Variants in SEMA6D observed in about 807,000 individuals in gnomAD.
The protein encoded by SEMA6D is semaphorin 6D.
SEMA6D carries 35 observed loss-of-function variants against 106.6 expected under a neutral mutation model. The ratio of observed to expected loss-of-function variants is 0.33; its 90% CI spans 0.25 to 0.44. The LOEUF (loss-of-function observed/expected upper bound fraction) is 0.44, where lower values mean the gene tolerates loss of function less well. SEMA6D is among the 20% of genes least tolerant of loss of function. SEMA6D has a pLI of 1.00. For synonymous variants in SEMA6D, 499 were observed against 487.7 expected (o/e 1.02, Z -0.31); for missense variants, 1,185 against 1,345.9 (o/e 0.88, Z 1.87).
intron 2 of SEMA6D, among the ~76,000 whole-genome samples, chr15:47,425,871 T>C (rs1414155365): frequency 6.6e-6 from 1 of 152,044 alleles, no homozygotes; most frequent in African/African-American, 2.4e-5. Context: ...TTCTCTTCCA[T>C]TTATGATCTA....
intron 4 of SEMA6D, among the ~76,000 whole-genome samples, chr15:47,661,498 T>C (rs1397807433): frequency 6.6e-6 from 1 of 152,220 alleles, no homozygotes; most frequent in Non-Finnish European, 1.5e-5. Flanking sequence ...CTATGGAAAC[T>C]GCATGAAGAG....
intron 4 of SEMA6D, among the ~76,000 whole-genome samples, chr15:47,635,973 A>G (rs2077380700): frequency 6.6e-6 from 1 of 152,244 alleles, no homozygotes; most frequent in South Asian, 2.1e-4. Flanking sequence ...AAAAAAAAAA[A>G]AAATTTTACC....
intron 4 of SEMA6D, among the ~76,000 whole-genome samples, chr15:47,634,272 A>G (rs887501980): frequency 1.1e-4 from 16 of 152,108 alleles, no homozygotes; most frequent in Admixed American, 2.6e-4. Flanking sequence ...TCAGCTCCCC[A>G]CTTGGTGCTG....
intron 1 of SEMA6D, among the ~76,000 whole-genome samples, chr15:47,289,387 C>T (rs1477510482): frequency 7.7e-6 from 1 of 130,334 alleles, no homozygotes; most frequent in Non-Finnish European, 1.6e-5. Flanking sequence ...GAGCAAAACT[C>T]CATCTCAAAA....
intron 2 of SEMA6D, among the ~76,000 whole-genome samples, chr15:47,432,737 A>T (rs112654359): frequency 1.4e-4 from 21 of 152,256 alleles, no homozygotes; most frequent in African/African-American, 5.1e-4. Flanking sequence ...GAGATGAAAA[A>T]GCAACTCTAT....
At chr15:47,727,498 G>A (rs538655743) in intron 1 of SEMA6D, among the ~76,000 whole-genome samples, 1 of 152,298 alleles carries the variant, frequency 6.6e-6, no homozygotes, top group African/African-American at 2.4e-5. Context: ...TCCAAACAAG[G>A]TGCTAGACCT....
intron 1 of SEMA6D, among the ~76,000 whole-genome samples, chr15:47,246,041 T>C (rs1440345268): frequency 3.3e-5 from 5 of 152,174 alleles, no homozygotes; most frequent in African/African-American, 1.2e-4. Flanking sequence ...TATATGCTCC[T>C]CTCTCAAGTA....
At chr15:47,667,450 T>C (rs2078049806) in intron 4 of SEMA6D, among the ~76,000 whole-genome samples, 1 of 152,188 alleles carries the variant, frequency 6.6e-6, no homozygotes, top group African/African-American at 2.4e-5. Context: ...AAATACATTC[T>C]GATAAGAGGT....
chr15:47,599,606 G>A (rs186964336), intron 3 of SEMA6D, among the ~76,000 whole-genome samples: 24 of 152,174 alleles, frequency 1.6e-4, no homozygotes, highest in Admixed American at 1.5e-3. Flanking sequence ...CAATACAACT[G>A]AAAACACAGC....
chr15:47,306,837 G>A (rs1022284069), intron 1 of SEMA6D, among the ~76,000 whole-genome samples: 1 of 152,202 alleles, frequency 6.6e-6, no homozygotes, highest in African/African-American at 2.4e-5. Flanking sequence ...ATCCTTCTTA[G>A]TATAATTTTT....
chr15:47,230,111 ATTC>A (rs1461439223), intron 1 of SEMA6D, among the ~76,000 whole-genome samples: 2 of 152,172 alleles, frequency 1.3e-5, no homozygotes, highest in South Asian at 2.1e-4. Flanking sequence ...TCTTAGAAAA[ATTC>A]TTCTTTGTGG....
At chr15:47,622,538 C>T (rs2077125895) in intron 4 of SEMA6D, among the ~76,000 whole-genome samples, 1 of 152,138 alleles carries the variant, frequency 6.6e-6, no homozygotes, top group South Asian at 2.1e-4. Flanking sequence ...CTTCTCCTTG[C>T]TCCTGATATC....
rs568361876 is a variant in SEMA6D at position 47,307,709 on chromosome 15, G to T, written c.-238-104684G>T. The stretch of plus-strand genomic sequence containing the variant: ...AGTTGGTTAAAGGGGGATACAATGA[G>T]GAAAAGAGAGCAATTTTAATGGTTT... On this transcript the variant is annotated intron_variant, in intron 1 of 19. Coordinates refer to the SEMA6D transcript ENST00000558014. Among the ~76,000 whole-genome samples, 6 of 152,152 alleles carry T rather than the reference G, an allele frequency of 3.9e-5. No homozygotes were observed. In the East Asian group the frequency reaches 1.2e-3, roughly 29 times the overall value.
At chr15:47,298,208 A>T in intron 1 of SEMA6D, among the ~76,000 whole-genome samples, 1 of 152,164 alleles carries the variant, frequency 6.6e-6, no homozygotes, top group East Asian at 1.9e-4. Context: ...CGGAGCTCGC[A>T]CTGGGAATAG....
At chr15:47,342,688 C>T (rs1786701120) in intron 1 of SEMA6D, among the ~76,000 whole-genome samples, 1 of 151,878 alleles carries the variant, frequency 6.6e-6, no homozygotes, top group South Asian at 2.1e-4. Context: ...CGTCATTGAC[C>T]CTACACTAAA....
At chr15:47,210,764 CAAAAAAAAAAA>C (rs34743184) in intron 1 of SEMA6D, among the ~76,000 whole-genome samples, 1 of 62,758 alleles carries the variant, frequency 1.6e-5, no homozygotes, top group Non-Finnish European at 3.0e-5. Flanking sequence ...GACTCCGTCT[CAAAAAAAAAAA>C]AAAAAAAAAA....
At chr15:47,561,448 T>G (rs1313855927) in intron 3 of SEMA6D, among the ~76,000 whole-genome samples, 1 of 152,026 alleles carries the variant, frequency 6.6e-6, no homozygotes, top group Non-Finnish European at 1.5e-5. Flanking sequence ...TGAAAGAATT[T>G]GTTGCTATCA....
chr15:47,254,653 T>C (rs1393935773), intron 1 of SEMA6D, among the ~76,000 whole-genome samples: 1 of 152,158 alleles, frequency 6.6e-6, no homozygotes, highest in South Asian at 2.1e-4. Flanking sequence ...TTGAATGCTT[T>C]TTCTGCATCT....
chr15:47,321,228 C>T (rs561980160), intron 1 of SEMA6D, among the ~76,000 whole-genome samples: 1 of 152,244 alleles, frequency 6.6e-6, no homozygotes, highest in Admixed American at 6.5e-5. Context: ...AAGGGATTCC[C>T]GTCTGTGTGG....
Sources: allele counts gnomAD v4.1 joint callset (sites outside exome capture counted in the v4.1 genomes callset), GRCh38; gene constraint gnomAD v4.1.1; transcripts MANE v1.5; gene names NCBI Gene and HGNC (gene_info 2026-07-23, HGNC 2026-07-21).